Variants in FIG4 observed in about 807,000 individuals in gnomAD.
FIG4 encodes the protein FIG4 phosphoinositide 5-phosphatase, also known as polyphosphoinositide phosphatase.
A neutral mutation model predicts 118.6 loss-of-function variants in FIG4; 112 were observed. The observed-to-expected ratio is 0.94, with a 90% CI of 0.81 to 1.11. The LOEUF (loss-of-function observed/expected upper bound fraction) is 1.11, where lower values mean the gene tolerates loss of function less well. Ranked by LOEUF, FIG4 falls within the 50% of genes least tolerant of loss-of-function variation. The pLI, the probability that FIG4 is intolerant of heterozygous loss-of-function variation, is 0.00. For synonymous variants in FIG4, 369 were observed against 381.2 expected, an observed-to-expected ratio of 0.97 and a Z score of 0.37; for missense variants, 969 against 1,111.7, an observed-to-expected ratio of 0.87 and a Z score of 1.83.
At chr6:109,784,173 TCTC>T (rs1777886338) in intron 16 of FIG4, among the ~76,000 whole-genome samples, 1 of 152,192 alleles carries the variant, frequency 6.6e-6, no homozygotes, top group African/African-American at 2.4e-5. Context: ...AAAAAATTCT[TCTC>T]CTTCCTAGCT....
At chr6:109,822,521 G>A (rs1270381952) in intron 22 of FIG4, among the ~76,000 whole-genome samples, 1 of 151,792 alleles carries the variant, frequency 6.6e-6, no homozygotes, top group Non-Finnish European at 1.5e-5. Context: ...AATCTCTATT[G>A]TGTATTTCAT....
In FIG4 at chr6:109,732,634, T is replaced by A; in HGVS notation, c.447-3T>A. ...GAAATGTACTTTGTTTTTTTTTTTT[T>A]AGGTATCTACGAATATTTCAAAATG... On this transcript the variant is annotated splice_polypyrimidine_tract_variant and splice_region_variant and intron_variant, in intron 4 of 22. Coordinates refer to ENST00000230124, the MANE Select transcript of FIG4 (RefSeq NM_014845.6). 1 of 1,397,336 alleles carries A rather than the reference T, an allele frequency of 7.2e-7. No homozygotes were observed. The highest frequency in any genetic ancestry group is 1.0e-6 in the Non-Finnish European group (1 of 993,286). 86.6% of individuals were successfully genotyped at this position (1,397,336 alleles called of 1,614,324 possible). A position where few individuals can be genotyped will look rare whatever the true frequency, so the allele number is the denominator to read the frequency against.
In FIG4 at chr6:109,756,901, G is replaced by A. The variant is rs545092482; in HGVS notation, c.1138-3349G>A. Among the ~76,000 whole-genome samples, 3 of 152,274 alleles carry A rather than the reference G, an allele frequency of 2.0e-5. No homozygotes were observed. The East Asian group carries it at 5.8e-4, about 29-fold the overall frequency. On this transcript the variant is annotated intron_variant, in intron 10 of 22. Coordinates refer to ENST00000230124, the MANE Select transcript of FIG4 (RefSeq NM_014845.6). Reference sequence around the variant, plus strand: ...TTTGAATTTCCTCCTATAGCTTGGAGTAATTTGATCGTCTGAAGCTTTCCT... The same window carrying A: ...TTTGAATTTCCTCCTATAGCTTGGAATAATTTGATCGTCTGAAGCTTTCCT...
chr6:109,759,878 C>T (rs1777047443), intron 10 of FIG4, among the ~76,000 whole-genome samples: 1 of 152,186 alleles, frequency 6.6e-6, no homozygotes, highest in South Asian at 2.1e-4. Flanking sequence ...TTCTTTCTGG[C>T]CTCCAGCTGG....
intron 1 of FIG4, among the ~76,000 whole-genome samples, chr6:109,698,683 A>C (rs1774809808): frequency 6.6e-6 from 1 of 152,228 alleles, no homozygotes; most frequent in Non-Finnish European, 1.5e-5. Context: ...CTTTGGTCTG[A>C]TGAGACTTTA....
chr6:109,825,331 A>G lies in FIG4; in HGVS notation c.*66A>G, dbSNP rs1210875439. 3 of 1,472,720 alleles carry G rather than the reference A, an allele frequency of 2.0e-6. No individual in the cohort carries two copies. The highest frequency in any genetic ancestry group is 2.3e-5 in the East Asian group (1 of 43,822). 91.2% of individuals were successfully genotyped at this position (1,472,720 alleles called of 1,614,324 possible). A position where few individuals can be genotyped will look rare whatever the true frequency, so the allele number is the denominator to read the frequency against. On this transcript the variant is annotated 3_prime_UTR_variant, in exon 23 of 23. Transcript: ENST00000230124. ...TAGAACCTGTCTTGTCTCATCTTCA[A>G]AAGGTAACTTATTAAAAGTCCTTTG...
In FIG4 at chr6:109,796,863, A is replaced by G; in HGVS notation, c.2546+12A>G. The G allele has an allele frequency of 6.9e-7, 1 of 1,453,830 alleles. No individual in the cohort carries two copies. Among genetic ancestry groups the G allele is most frequent in the Non-Finnish European group, 9.7e-7 (1 of 1,033,448 alleles). 90.1% of individuals were successfully genotyped at this position (1,453,830 alleles called of 1,614,324 possible). ...GGAGTTATAAAACTGTAAGTACTAGATTAGATCTTTAAAGAAATCTTTGTA... is the reference window on the plus strand; with the variant it reads ...GGAGTTATAAAACTGTAAGTACTAGGTTAGATCTTTAAAGAAATCTTTGTA... On this transcript the variant is annotated intron_variant, in intron 22 of 22. Coordinates refer to ENST00000230124, the MANE Select transcript of FIG4 (RefSeq NM_014845.6).
intron 3 of FIG4, among the ~76,000 whole-genome samples, chr6:109,718,720 T>G (rs778670869): frequency 6.6e-5 from 10 of 152,138 alleles, no homozygotes; most frequent in Non-Finnish European, 1.5e-4. Flanking sequence ...TTTGTGGGAA[T>G]GTGTATGTCT....
chr6:109,795,094 AG>A lies in FIG4; in HGVS notation c.2460-1670del, dbSNP rs1778240086. Among the ~76,000 whole-genome samples the A allele has an allele frequency of 1.2e-4, 9 of 77,212 alleles. No individual in the cohort carries two copies. The East Asian group carries it at 1.4e-3, about 12-fold the overall frequency. The allele number at this position is 77,212 out of a possible 152,430, so 50.7% of individuals were successfully genotyped here. On this transcript the variant is annotated intron_variant, in intron 21 of 22. Transcript: ENST00000230124. ...TTCCTCAAAGCTTCATACACTTGCC[AG>A]TTTTTTTTTTTTTTTTTTTTTTTTT...
At chr6:109,735,403 T>A in intron 6 of FIG4, 105 bp downstream of exon 6, 1 of 1,116,036 alleles carries the variant, frequency 9.0e-7, no homozygotes, top group Non-Finnish European at 1.4e-6. Flanking sequence ...CCCTCTTTGC[T>A]GTTTGTCCTT....
chr6:109,695,601 GACACACAC>G (rs202167631), intron 1 of FIG4, among the ~76,000 whole-genome samples: 1 of 99,268 alleles, frequency 1.0e-5, no homozygotes, highest in Admixed American at 1.0e-4. Context: ...CACACACACA[GACACACAC>G]ACACACACAC....
intron 1 of FIG4, among the ~76,000 whole-genome samples, chr6:109,710,817 C>T (rs1037817776): frequency 1.4e-4 from 21 of 151,756 alleles, no homozygotes; most frequent in Admixed American, 3.9e-4. Context: ...GTGGGGTCAG[C>T]GTTAATATCC....
chr6:109,724,129 C>A (rs1475559290), intron 3 of FIG4, among the ~76,000 whole-genome samples: 8 of 151,948 alleles, frequency 5.3e-5, no homozygotes, highest in Non-Finnish European at 1.2e-4. Flanking sequence ...GGAGGAGGTT[C>A]CACGAACAAA....
chr6:109,738,578 C>T, intron 7 of FIG4, 125 bp downstream of exon 7: 2 of 857,164 alleles, frequency 2.3e-6, no homozygotes, highest in Non-Finnish European at 3.9e-6. Flanking sequence ...GAAAACCTGC[C>T]CATGATACTA....
chr6:109,755,043 G>T (rs569416347), intron 10 of FIG4, among the ~76,000 whole-genome samples: 7 of 151,680 alleles, frequency 4.6e-5, no homozygotes, highest in Admixed American at 4.6e-4. Flanking sequence ...TGTCAATTTT[G>T]GATCTTTCCT....
chr6:109,784,454 C>G (rs999899199), intron 16 of FIG4, among the ~76,000 whole-genome samples: 1 of 152,214 alleles, frequency 6.6e-6, no homozygotes, highest in Non-Finnish European at 1.5e-5. Flanking sequence ...TTAGGACTGT[C>G]TAATTCGTTC....
chr6:109,732,610 A>C (rs1288564474), intron 4 of FIG4, 27 bp from the exon 5 acceptor site: 14 of 1,104,394 alleles, frequency 1.3e-5, no homozygotes, highest in Non-Finnish European at 1.9e-5. Context: ...TGGACAAATG[A>C]AATGTACTTT....
In FIG4 at chr6:109,789,036, G is replaced by A. The variant is rs145693458; in HGVS notation, c.2097-558G>A. Among the ~76,000 whole-genome samples, 140 of 152,342 alleles carry A rather than the reference G, an allele frequency of 9.2e-4. 2 individuals are homozygous for A. In the East Asian group the frequency reaches 0.025, roughly 27 times the overall value. ...GAATTAACCTCAGCCTAATGAGGTA[G>A]ATGTTGGTATTTCAGTTCATACCAC... is the stretch of plus-strand genomic sequence containing the variant. On this transcript the variant is annotated intron_variant, in intron 18 of 22. Transcript: ENST00000230124.
chr6:109,738,406 A>G lies in FIG4; in HGVS notation c.728A>G (p.His243Arg). 1 of 1,612,798 alleles carries G rather than the reference A, an allele frequency of 6.2e-7. No homozygotes were observed. ...ELLDIIKSTV[H>R]RDWLLYIIHG... Reference sequence around the variant, plus strand: ...CTGGATATAATTAAAAGTACTGTGCATCGTGACTGGCTTTTGTATATTATT... The same window carrying G: ...CTGGATATAATTAAAAGTACTGTGCGTCGTGACTGGCTTTTGTATATTATT... Residue 243 changes from histidine to arginine, a missense_variant, in exon 7 of 23, where the codon CAT becomes CGT. Around this residue, in one of 3 missense-constraint regions of FIG4, gnomAD observed 393 missense variants for 409.4 expected, o/e 0.96. Transcript: ENST00000230124.
Sources: gnomAD v4.1 joint callset for allele counts (sites outside exome capture counted in the v4.1 genomes callset) on GRCh38, gnomAD v4.1.1 for gene constraint, gnomAD v4.1.1 regional missense constraint, MANE v1.5 for transcripts, NCBI Gene and HGNC (gene_info 2026-07-23, HGNC 2026-07-21) for gene names.